APBB1IP: variants seen among roughly 807,000 people sequenced by gnomAD.
APBB1IP encodes amyloid beta A4 precursor protein-binding family B member 1-interacting protein.
In APBB1IP, 27 loss-of-function variants were observed where a neutral mutation model predicts 64.9. That is an observed-to-expected ratio of 0.42 (90% CI 0.31 to 0.57). APBB1IP has a LOEUF of 0.57. Among genes scored for constraint, APBB1IP ranks in the 20% least tolerant of loss-of-function variants. APBB1IP has a pLI of 0.20. For synonymous variants in APBB1IP, 392 were observed against 331.0 expected (o/e 1.18, Z -2.00); for missense variants, 812 against 845.5 (o/e 0.96, Z 0.49).
intron 4 of APBB1IP, among the ~76,000 whole-genome samples, chr10:26,499,540 A>G (rs1340764174): frequency 6.6e-6 from 1 of 152,052 alleles, no homozygotes; most frequent in Non-Finnish European, 1.5e-5. Context: ...CTGTTTCATC[A>G]TATCTATAGC....
At chr10:26,469,748 A>C (rs902869213) in intron 2 of APBB1IP, among the ~76,000 whole-genome samples, 4 of 152,100 alleles carry the variant, frequency 2.6e-5, no homozygotes, top group Admixed American at 6.6e-5. Flanking sequence ...TCAGGTTTTC[A>C]AACTTGCCTC....
At chr10:26,448,140 T>A (rs1564347296) in intron 2 of APBB1IP, among the ~76,000 whole-genome samples, 2 of 33,232 alleles carry the variant, frequency 6.0e-5, no homozygotes, top group South Asian at 1.6e-3. Flanking sequence ...CTAAAAATTT[T>A]AAAAATAATA....
chr10:26,495,991 T>A (rs12246531), intron 3 of APBB1IP, among the ~76,000 whole-genome samples: 1 of 141,534 alleles, frequency 7.1e-6, no homozygotes, highest in East Asian at 2.0e-4. Flanking sequence ...AATATATATA[T>A]TATATATATA....
At chr10:26,450,650 A>G (rs1835455191) in intron 2 of APBB1IP, among the ~76,000 whole-genome samples, 1 of 151,146 alleles carries the variant, frequency 6.6e-6, no homozygotes, top group African/African-American at 2.4e-5. Flanking sequence ...TAGTAAATGT[A>G]AAGTTGTTCC....
intron 10 of APBB1IP, among the ~76,000 whole-genome samples, chr10:26,540,729 T>C (rs1836686646): frequency 6.6e-6 from 1 of 152,166 alleles, no homozygotes; most frequent in Admixed American, 6.5e-5. Flanking sequence ...CATTTGTAAT[T>C]GAAGTGTAAC....
chr10:26,446,182 T>G (rs10764618), intron 2 of APBB1IP, among the ~76,000 whole-genome samples: 59,022 of 152,050 alleles, frequency 0.39, 11,646 homozygotes, highest in South Asian at 0.49. Flanking sequence ...TTAAGTAAAT[T>G]TACCTATGGC....
At chr10:26,453,722 AG>A (rs1835490568) in intron 2 of APBB1IP, among the ~76,000 whole-genome samples, 2 of 152,164 alleles carry the variant, frequency 1.3e-5, no homozygotes, top group South Asian at 2.1e-4. Context: ...CAATAAGCAC[AG>A]GAAAAAAATG....
At chr10:26,551,504 G>A (rs1268299703) in intron 11 of APBB1IP, among the ~76,000 whole-genome samples, 2 of 152,176 alleles carry the variant, frequency 1.3e-5, no homozygotes, top group Admixed American at 6.5e-5. Flanking sequence ...ACTTTTGTGC[G>A]TGGATAGAAG....
At chr10:26,513,994 A>G (rs923585899) in intron 8 of APBB1IP, among the ~76,000 whole-genome samples, 2 of 152,186 alleles carry the variant, frequency 1.3e-5, no homozygotes, top group African/African-American at 4.8e-5. Flanking sequence ...TCAGGCTCCC[A>G]AAGTGCTAGG....
intron 2 of APBB1IP, among the ~76,000 whole-genome samples, chr10:26,472,941 A>AAAAAAAAG (rs1307572494): frequency 1.3e-5 from 2 of 152,074 alleles, no homozygotes; most frequent in African/African-American, 2.4e-5. Context: ...CATCAAAAAC[A>AAAAAAAAG]AAAAGAAAAA....
At chr10:26,553,561 G>A (rs747537202) in intron 11 of APBB1IP, among the ~76,000 whole-genome samples, 10 of 152,120 alleles carry the variant, frequency 6.6e-5, no homozygotes, top group Non-Finnish European at 1.0e-4. Context: ...GGCCGATCGG[G>A]GTGGGAGAAT....
intron 6 of APBB1IP, among the ~76,000 whole-genome samples, chr10:26,504,425 T>A (rs940944686): frequency 2.0e-5 from 3 of 152,202 alleles, no homozygotes; most frequent in Non-Finnish European, 4.4e-5. Flanking sequence ...TTAATAATAG[T>A]TAGGCTGGGC....
intron 2 of APBB1IP, 109 bp from the exon 3 acceptor site, chr10:26,492,218 A>C (rs1835963863): frequency 1.1e-5 from 10 of 948,536 alleles, no homozygotes; most frequent in Non-Finnish European, 1.3e-5. Flanking sequence ...TCCTCTCCCA[A>C]CTTAGCTGCC....
intron 2 of APBB1IP, among the ~76,000 whole-genome samples, chr10:26,480,456 C>G (rs1290542808): frequency 1.3e-5 from 2 of 152,004 alleles, no homozygotes; most frequent in African/African-American, 4.8e-5. Context: ...AGAAAACTGT[C>G]AGGAAAGCCA....
At chr10:26,560,290 G>C (rs1462714447) in intron 12 of APBB1IP, 87 bp downstream of exon 12, 1 of 1,265,096 alleles carries the variant, frequency 7.9e-7, no homozygotes, top group East Asian at 2.3e-5. Context: ...CTGTGAAACA[G>C]CTGGCCCACC....
intron 2 of APBB1IP, among the ~76,000 whole-genome samples, chr10:26,471,012 G>T (rs999586376): frequency 1.3e-5 from 2 of 152,104 alleles, no homozygotes; most frequent in Admixed American, 1.3e-4. Context: ...CCTCCTGTAA[G>T]CACTTCACAT....
chr10:26,451,276 G>A (rs11015118), intron 2 of APBB1IP, among the ~76,000 whole-genome samples: 60,743 of 151,954 alleles, frequency 0.4, 12,281 homozygotes, highest in South Asian at 0.5. Context: ...TTTGATAGAG[G>A]TGGGTTCTCA....
chr10:26,469,133 C>A (rs1394353538), intron 2 of APBB1IP, among the ~76,000 whole-genome samples: 1 of 149,874 alleles, frequency 6.7e-6, no homozygotes. Context: ...AAATTTTTAA[C>A]TTTTTGACTC....
chr10:26,485,389 G>T (rs921316843), intron 2 of APBB1IP, among the ~76,000 whole-genome samples: 5 of 152,158 alleles, frequency 3.3e-5, no homozygotes, highest in African/African-American at 1.2e-4. Context: ...CTTTCTATGA[G>T]GCTTGAGATC....
Sources: allele counts gnomAD v4.1 joint callset (sites outside exome capture counted in the v4.1 genomes callset), GRCh38; gene constraint gnomAD v4.1.1; transcripts MANE v1.5; gene names NCBI Gene and HGNC (gene_info 2026-07-23, HGNC 2026-07-21).